The following UGT1A10 variants were observed in gnomAD, a reference collection of about 807,000 sequenced individuals.
The protein encoded by UGT1A10 is UDP glucuronosyltransferase family 1 member A10, also known as UDP-glucuronosyltransferase 1A10.
UGT1A10 carries 49 observed loss-of-function variants against 45.8 expected under a neutral mutation model. That is an observed-to-expected ratio of 1.07 (90% CI 0.85 to 1.36). UGT1A10 has a LOEUF of 1.36. UGT1A10 is among the 40% of genes most tolerant of loss of function. UGT1A10 has a pLI of 0.00. For missense variants in UGT1A10, 745 were observed against 668.6 expected (o/e 1.11, Z -1.26); for synonymous variants, 284 against 249.7 (o/e 1.14, Z -1.29).
intron 1 of UGT1A10, among the ~76,000 whole-genome samples, chr2:233,661,987 C>T (rs1367037350): frequency 6.6e-6 from 1 of 152,134 alleles, no homozygotes; most frequent in Non-Finnish European, 1.5e-5. Context: ...TGATCAGCCT[C>T]ACACGGCGTA....
chr2:233,765,571 G>A (rs997936570), intron 1 of UGT1A10, among the ~76,000 whole-genome samples: 4 of 152,064 alleles, frequency 2.6e-5, no homozygotes, highest in Admixed American at 2.0e-4. Flanking sequence ...ATGCGTAGAC[G>A]CAGGGAGGGG....
chr2:233,693,566 C>G, intron 1 of UGT1A10: 1 of 1,614,202 alleles, frequency 6.2e-7, no homozygotes, highest in Middle Eastern at 1.6e-4. Context: ...AAGCCCAGAC[C>G]CTGTGTCCTA....
intron 1 of UGT1A10, 114 bp from the exon 2 acceptor site, chr2:233,766,920 A>C (rs1699278586): frequency 8.4e-6 from 13 of 1,554,452 alleles, no homozygotes. Context: ...TATCTCAAAC[A>C]CGCATGCCTT....
At chr2:233,750,355 T>C (rs1376976328) in intron 1 of UGT1A10, among the ~76,000 whole-genome samples, 7 of 151,880 alleles carry the variant, frequency 4.6e-5, no homozygotes, top group African/African-American at 1.5e-4. Context: ...TTGGAACTTA[T>C]GTTTAAAAGG....
intron 1 of UGT1A10, among the ~76,000 whole-genome samples, chr2:233,660,716 CCTTA>C (rs958518835): frequency 6.6e-6 from 1 of 152,134 alleles, no homozygotes; most frequent in African/African-American, 2.4e-5. Flanking sequence ...CGCTTCTCTT[CCTTA>C]CTTATAAATG....
intron 1 of UGT1A10, among the ~76,000 whole-genome samples, chr2:233,714,507 T>A (rs1275407158): frequency 6.6e-6 from 1 of 152,186 alleles, no homozygotes; most frequent in African/African-American, 2.4e-5. Flanking sequence ...TTAAAAAAAA[T>A]TCTTACTAGG....
At chr2:233,719,614 A>C in intron 1 of UGT1A10, 3 of 1,613,882 alleles carry the variant, frequency 1.9e-6, no homozygotes, top group Non-Finnish European at 2.5e-6. Context: ...GTGATGGACT[A>C]CCCCAGGCCG....
chr2:233,772,588 T>C lies in UGT1A10; in HGVS notation c.*29T>C, dbSNP rs945548426. The stretch of plus-strand genomic sequence containing the variant: ...GTGGGTGGGAAATAAGGTAAAATTT[T>C]GAACCATTCCCTAGTCATTTCCAAA... On this transcript the variant is annotated 3_prime_UTR_variant, in exon 5 of 5. Transcript: ENST00000344644. The C allele has an allele frequency of 1.1e-5, 18 of 1,603,922 alleles. No individual in the cohort carries two copies. In the African/African-American group the frequency reaches 1.7e-4, roughly 16 times the overall value.
chr2:233,753,810 A>G (rs1695316193), intron 1 of UGT1A10, among the ~76,000 whole-genome samples: 1 of 152,190 alleles, frequency 6.6e-6, no homozygotes, highest in Non-Finnish European at 1.5e-5. Flanking sequence ...ATAGTTGGAG[A>G]ACCACGTTAG....
rs1047777533 is a variant in UGT1A10 at position 233,760,225 on chromosome 2, G to T, written c.856-6809G>T. ...AAACATTAACTTGGTGTATCGATTG[G>T]TTTTTGCCATATATATATATATAAG... On this transcript the variant is annotated intron_variant, in intron 1 of 4. Coordinates refer to ENST00000344644, the MANE Select transcript of UGT1A10 (RefSeq NM_019075.4). 3.2e-6 allele frequency: 5 copies of T among 1,585,120 alleles called. No individual in the cohort carries two copies. The African/African-American group carries it at 4.5e-5, about 14-fold the overall frequency.
At position 233,767,164 on chromosome 2, in the gene UGT1A10, C is replaced by G. The variant is rs1699322267; in HGVS notation, c.986C>G (p.Thr329Arg). ...GATGCTTTGGGCAAAATCCCTCAGA[C>G]AGTAAGAAGATTCTATACCATGGCC... is the stretch of plus-strand genomic sequence containing the variant. Reference protein sequence around the residue: ...IADALGKIPQTVLWRYTGTRP... With the variant: ...IADALGKIPQRVLWRYTGTRP... The change falls in exon 2 of 5, where the codon ACA (threonine) becomes AGA (arginine). Residue 329 changes from threonine (T) to arginine (R), a missense_variant and splice_region_variant. Transcript: ENST00000344644. The G allele has an allele frequency of 6.2e-7, 1 of 1,614,090 alleles. No homozygotes were observed.
chr2:233,683,362 A>C (rs1450754793), intron 1 of UGT1A10, among the ~76,000 whole-genome samples: 1 of 152,148 alleles, frequency 6.6e-6, no homozygotes, highest in Non-Finnish European at 1.5e-5. Context: ...TTTGGATGCA[A>C]TGTAGTTTTC....
chr2:233,772,721 A>G lies in UGT1A10; in HGVS notation c.*162A>G, dbSNP rs1307369412. On this transcript the variant is annotated 3_prime_UTR_variant, in exon 5 of 5. Coordinates refer to ENST00000344644, the MANE Select transcript of UGT1A10 (RefSeq NM_019075.4). ...TAAAAAATTCTCTTAAATAAAAATA[A>G]TAGACTCGCTAGTCAGTAAAGATAT... 4.1e-6 allele frequency: 6 copies of G among 1,458,094 alleles called. No individual in the cohort carries two copies. Among genetic ancestry groups the G allele is most frequent in the Non-Finnish European group, 5.4e-6 (6 of 1,108,844 alleles). The allele number at this position is 1,458,094 out of a possible 1,614,324, so 90.3% of individuals were successfully genotyped here.
At chr2:233,672,521 G>T (rs768123270) in intron 1 of UGT1A10, 6 of 1,613,872 alleles carry the variant, frequency 3.7e-6, no homozygotes, top group Non-Finnish European at 5.1e-6. Context: ...ATTCTCTTAG[G>T]GTTCTCAGAT....
In UGT1A10 at chr2:233,772,635, A is replaced by G. The variant is rs1700539983; in HGVS notation, c.*76A>G. On this transcript the variant is annotated 3_prime_UTR_variant, in exon 5 of 5. Transcript: ENST00000344644. ...CAAACTTGAAAACAGAATCAGTGTT[A>G]AATTCATTTTATTCTTATTAAGGAA... 19 of 1,555,814 alleles carry G rather than the reference A, an allele frequency of 1.2e-5. No individual in the cohort carries two copies. Among genetic ancestry groups the G allele is most frequent in the Non-Finnish European group, 1.6e-5 (18 of 1,149,838 alleles).
rs183660862 is a variant in UGT1A10, at chr2:233,649,206, G to A, written c.855+11829G>A. Among the ~76,000 whole-genome samples the A allele has an allele frequency of 2.2e-4, 33 of 152,228 alleles. 1 individual carries two copies. The East Asian group carries it at 4.6e-3, about 21-fold the overall frequency. On this transcript the variant is annotated intron_variant, in intron 1 of 4. Transcript: ENST00000344644. ...TTAGCAACTTTTATATAATGGCCTC[G>A]TTAATATGTATGTGTATACGATTGG...
chr2:233,719,047 C>T (rs970652650), intron 1 of UGT1A10: 1 of 1,614,252 alleles, frequency 6.2e-7, no homozygotes, highest in Non-Finnish European at 8.5e-7. Flanking sequence ...AAATTTTTCA[C>T]CCTGACAGCC....
intron 1 of UGT1A10, chr2:233,717,716 G>A (rs2076600817): frequency 2.2e-6 from 1 of 453,938 alleles, no homozygotes; most frequent in Admixed American, 2.4e-5. Flanking sequence ...GAGCCTCATG[G>A]GCATGAGACC....
chr2:233,682,059 T>C, intron 1 of UGT1A10: 1 of 1,614,110 alleles, frequency 6.2e-7, no homozygotes, highest in Non-Finnish European at 8.5e-7. Flanking sequence ...TGGTTCACCA[T>C]GCAGTCGGTG....
Sources: gnomAD v4.1 joint callset for allele counts (sites outside exome capture counted in the v4.1 genomes callset) on GRCh38, gnomAD v4.1.1 for gene constraint, MANE v1.5 for transcripts, NCBI Gene and HGNC (gene_info 2026-07-23, HGNC 2026-07-21) for gene names.